CYP3A43: variants seen among roughly 807,000 people sequenced by gnomAD.
CYP3A43 encodes cytochrome P450 family 3 subfamily A member 43.
CYP3A43 carries 45 observed loss-of-function variants against 58.0 expected under a neutral mutation model. The observed-to-expected ratio is 0.78, with a 90% CI of 0.61 to 0.99. CYP3A43 has a LOEUF of 0.99. CYP3A43 is among the 50% of genes least tolerant of loss of function. CYP3A43 has a pLI of 0.00. For missense variants in CYP3A43, 593 were observed against 591.9 expected (o/e 1.00, Z -0.02); for synonymous variants, 191 against 201.4 (o/e 0.95, Z 0.44).
At chr7:99,859,001 T>G (rs1818111688) in intron 9 of CYP3A43, among the ~76,000 whole-genome samples, 1 of 152,000 alleles carries the variant, frequency 6.6e-6, no homozygotes, top group Non-Finnish European at 1.5e-5. Context: ...CCAGCCTGTT[T>G]TATTAAAACC....
chr7:99,854,208 A>ATGAGTTT (rs1196932597), intron 7 of CYP3A43, among the ~76,000 whole-genome samples: 2 of 149,548 alleles, frequency 1.3e-5, no homozygotes, highest in Non-Finnish European at 3.0e-5. Context: ...CTCTATGTCC[A>ATGAGTTT]TGAGTTTTGA....
chr7:99,840,306 T>C (rs1184884718), intron 3 of CYP3A43, among the ~76,000 whole-genome samples: 4 of 152,194 alleles, frequency 2.6e-5, no homozygotes, highest in Non-Finnish European at 5.9e-5. Context: ...ATTCTATACA[T>C]CTGCCCTATA....
Position 99,861,668 on chromosome 7 carries a change from A to G in CYP3A43, c.1082A>G (p.Asn361Ser), listed in dbSNP as rs1229805612. ...ATGGAGTACCTTGACATGGTGGTGA[A>G]TGAAACGCTCAGATTATTCCCAGTT... ...VQMEYLDMVV[N>S]ETLRLFPVVS... The change falls in exon 11 of 13, where the codon AAT becomes AGT. Residue 361 changes from asparagine to serine, a missense_variant. Coordinates refer to ENST00000354829, the MANE Select transcript of CYP3A43 (RefSeq NM_057095.3). 4 of 1,614,042 alleles carry G rather than the reference A, an allele frequency of 2.5e-6. No individual in the cohort carries two copies. The highest frequency in any genetic ancestry group is 3.4e-6 in the Non-Finnish European group (4 of 1,180,018).
chr7:99,838,871 T>C (rs989524572), intron 2 of CYP3A43: 7 of 548,696 alleles, frequency 1.3e-5, no homozygotes, highest in African/African-American at 3.9e-5. Flanking sequence ...TCCCAGCTAC[T>C]TGGGAGGCTG....
intron 4 of CYP3A43, 110 bp from the exon 5 acceptor site, chr7:99,847,374 GTAGA>G (rs544413636): frequency 9.4e-7 from 1 of 1,059,522 alleles, no homozygotes; most frequent in South Asian, 1.6e-5. Context: ...CTGCCACCCA[GTAGA>G]TAGTTACTAA....
chr7:99,833,045 A>C (rs1816911823), intron 1 of CYP3A43, among the ~76,000 whole-genome samples: 1 of 152,202 alleles, frequency 6.6e-6, no homozygotes, highest in Admixed American at 6.5e-5. Flanking sequence ...TCTTAAGGGC[A>C]CTCAAATTTG....
intron 3 of CYP3A43, among the ~76,000 whole-genome samples, chr7:99,840,252 A>G (rs971784887): frequency 6.6e-6 from 1 of 152,202 alleles, no homozygotes; most frequent in Non-Finnish European, 1.5e-5. Context: ...ATAGAAGGCT[A>G]CATATCTTTC....
chr7:99,828,240 T>C (rs1816704099), intron 1 of CYP3A43, 54 bp downstream of exon 1: 2 of 1,355,366 alleles, frequency 1.5e-6, no homozygotes, highest in Non-Finnish European at 1.0e-6. Context: ...GAAGTGCTAA[T>C]TGGGCCCATC....
intron 7 of CYP3A43, among the ~76,000 whole-genome samples, chr7:99,851,251 G>T (rs1396586859): frequency 6.6e-6 from 1 of 152,034 alleles, no homozygotes; most frequent in Non-Finnish European, 1.5e-5. Context: ...ATTGTGAATA[G>T]TGCTGCTGTG....
At position 99,847,468 on chromosome 7, in the gene CYP3A43, G is replaced by A; in HGVS notation, c.319-20G>A. ...CTCTAAAACTTACGTAGGACAAACT[G>A]CTTCTGCTTTGAACTCAAGCCTTTA... is the stretch of plus-strand genomic sequence containing the variant. On this transcript the variant is annotated intron_variant, in intron 4 of 12. Transcript: ENST00000354829. 2 of 1,610,396 alleles carry A rather than the reference G, an allele frequency of 1.2e-6. No individual in the cohort carries two copies. The highest frequency in any genetic ancestry group is 1.7e-6 in the Non-Finnish European group (2 of 1,177,850).
At position 99,849,507 on chromosome 7, in the gene CYP3A43, A is replaced by T. The variant is rs374630854; in HGVS notation, c.522-39A>T. On this transcript the variant is annotated intron_variant, in intron 6 of 12. Transcript: ENST00000354829. The stretch of plus-strand genomic sequence containing the variant: ...TGTGTATAGCAGAAGGAAGGTAAAG[A>T]GGTGCTGGTTTTAATTTTCCATGTT... 1.4e-5 allele frequency: 22 copies of T among 1,568,072 alleles called. No individual in the cohort carries two copies. The African/African-American group carries it at 2.9e-4, about 21-fold the overall frequency.
In CYP3A43 at chr7:99,836,424, G is replaced by A. The variant is rs938367126; in HGVS notation, c.72-29G>A. The A allele has an allele frequency of 3.8e-6, 6 of 1,588,580 alleles. No individual in the cohort carries two copies. In the Admixed American group the frequency reaches 5.0e-5, roughly 13 times the overall value. ...CCTTATCTATAAAGTTACAATTTCT[G>A]TAACCTGGCTTTCTCTTTTATTTTA... On this transcript the variant is annotated intron_variant, in intron 1 of 12. Coordinates refer to ENST00000354829, the MANE Select transcript of CYP3A43 (RefSeq NM_057095.3).
intron 2 of CYP3A43, 112 bp from the exon 3 acceptor site, chr7:99,839,008 G>A: frequency 8.0e-7 from 1 of 1,246,096 alleles, no homozygotes; most frequent in Non-Finnish European, 1.2e-6. Flanking sequence ...CCAGTAAATG[G>A]TAGCAAGCCT....
At chr7:99,834,314 A>C (rs796899959) in intron 1 of CYP3A43, among the ~76,000 whole-genome samples, 10 of 152,150 alleles carry the variant, frequency 6.6e-5, no homozygotes, top group Admixed American at 6.5e-4. Flanking sequence ...TATAGTATTT[A>C]ATGATTCTTT....
chr7:99,830,024 AG>A (rs552474733), intron 1 of CYP3A43, among the ~76,000 whole-genome samples: 85 of 152,324 alleles, frequency 5.6e-4, no homozygotes, highest in Admixed American at 2.7e-3. Context: ...AAGCATGTTG[AG>A]GACTTTGAAC....
rs1266055640 is a variant in CYP3A43 at position 99,863,583 on chromosome 7, C to T, written c.1300C>T (p.Pro434Ser). ...CAGCATAGATCTTTACAGATACATA[C>T]CTTTTGGAGCTGGACCCCGAAACTG... The part of the protein sequence containing the change: ...KDSIDLYRYI[P>S]FGAGPRNCIG... Residue 434 changes from proline (P) to serine (S), a missense_variant, in exon 12 of 13, where the codon CCT becomes TCT. By Grantham distance (74) the Pro-to-Ser change is moderately conservative. Coordinates refer to ENST00000354829, the MANE Select transcript of CYP3A43 (RefSeq NM_057095.3). 1.9e-6 allele frequency: 3 copies of T among 1,613,852 alleles called. No individual in the cohort carries two copies. The highest frequency in any genetic ancestry group is 1.1e-5 in the South Asian group (1 of 90,998).
intron 8 of CYP3A43, among the ~76,000 whole-genome samples, chr7:99,856,233 G>T (rs1019451272): frequency 5.9e-5 from 9 of 152,176 alleles, no homozygotes; most frequent in Non-Finnish European, 1.2e-4. Context: ...CTGGGCAGGG[G>T]TCTTCTCTGG....
At chr7:99,865,142 G>A (rs1033263390) in intron 12 of CYP3A43, among the ~76,000 whole-genome samples, 2 of 148,322 alleles carry the variant, frequency 1.3e-5, no homozygotes, top group Non-Finnish European at 2.9e-5. Context: ...GCACACATGG[G>A]ATGGGGTGAT....
intron 9 of CYP3A43, among the ~76,000 whole-genome samples, chr7:99,858,285 C>A (rs1270791375): frequency 2.0e-5 from 3 of 152,142 alleles, no homozygotes; most frequent in Admixed American, 6.5e-5. Context: ...AAAATTATCA[C>A]CAGTAAATCA....
Sources: allele counts gnomAD v4.1 joint callset (sites outside exome capture counted in the v4.1 genomes callset), GRCh38; gene constraint gnomAD v4.1.1; transcripts MANE v1.5; gene names NCBI Gene and HGNC (gene_info 2026-07-23, HGNC 2026-07-21).